Variants in PCBP3 observed in about 807,000 individuals in gnomAD.
PCBP3 encodes the protein poly(rC) binding protein 3.
In PCBP3, 25 loss-of-function variants were observed where a neutral mutation model predicts 52.7. The ratio of observed to expected loss-of-function variants is 0.47; its 90% CI spans 0.35 to 0.66. The LOEUF (loss-of-function observed/expected upper bound fraction) is 0.66. PCBP3 is among the 30% of genes least tolerant of loss of function. The probability of loss-of-function intolerance (pLI) is 0.01; values close to 1 mark genes in which losing one functional copy is unlikely to be tolerated. For missense variants in PCBP3, 391 were observed against 490.3 expected, an observed-to-expected ratio of 0.80 and a Z score of 1.91; for synonymous variants, 162 against 183.0, an observed-to-expected ratio of 0.89 and a Z score of 0.93.
At chr21:45,796,753 G>A (rs9980125) in intron 4 of PCBP3, among the ~76,000 whole-genome samples, 350 of 151,910 alleles carry the variant, frequency 2.3e-3, no homozygotes, top group African/African-American at 8.1e-3. Context: ...ATGTTTTTAT[G>A]GTGTGTTTAT....
In PCBP3 at chr21:45,697,628, C is replaced by T. The variant is rs574887345; in HGVS notation, c.-200+28676C>T. ...GGTGTAGGTGTGCACACCTGTGGTC[C>T]AAGCTACTCGGAAGGCTGAGATGGG... is the stretch of plus-strand genomic sequence containing the variant. On this transcript the variant is annotated intron_variant, in intron 2 of 17. Coordinates refer to ENST00000681687, the MANE Select transcript of PCBP3 (RefSeq NM_001384156.1). 7.2e-5 allele frequency among the ~76,000 whole-genome samples: 11 copies of T among 151,810 alleles called. No individual in the cohort carries two copies. The East Asian group carries it at 2.1e-3, about 29-fold the overall frequency.
chr21:45,821,706 C>G lies in PCBP3; in HGVS notation c.-125-28255C>G, dbSNP rs1181314141. Among the ~76,000 whole-genome samples, 1 of 152,176 alleles carries G rather than the reference C, an allele frequency of 6.6e-6. No individual in the cohort carries two copies. The highest frequency in any genetic ancestry group is 1.5e-5 in the Non-Finnish European group (1 of 68,038). ...TGTTGCAGCCTGTCTCTGCTCCCTT[C>G]CCTGCTCTTGTCACTTCTTGCTGGT... On this transcript the variant is annotated intron_variant, in intron 4 of 17. Coordinates refer to ENST00000681687, the MANE Select transcript of PCBP3 (RefSeq NM_001384156.1). This position sits in a 1 kb window ranked among gnomAD's most constrained non-coding sequence, Gnocchi z 4.4.
Position 45,750,181 on chromosome 21 carries a change from A to G in PCBP3, c.-161-5236A>G, listed in dbSNP as rs2087299169. ...GGATGTGAGGTTGCCGACTCAGTGCAGAGCTGTTTGGCTTCTCCCGACTTT... is the reference window on the plus strand; with the variant it reads ...GGATGTGAGGTTGCCGACTCAGTGCGGAGCTGTTTGGCTTCTCCCGACTTT... On this transcript the variant is annotated intron_variant, in intron 3 of 17. Coordinates refer to ENST00000681687, the MANE Select transcript of PCBP3 (RefSeq NM_001384156.1). 2.0e-5 allele frequency: 3 copies of G among 152,436 alleles called. 1 individual carries two copies. The South Asian group carries it at 6.2e-4, about 32-fold the overall frequency. The allele number at this position is 152,436 out of a possible 1,614,324, so 9.4% of individuals were successfully genotyped here. A position where few individuals can be genotyped will look rare whatever the true frequency, so the allele number is the denominator to read the frequency against.
At chr21:45,893,744 G>A in intron 5 of PCBP3, 2 of 985,410 alleles carry the variant, frequency 2.0e-6, no homozygotes, top group South Asian at 4.7e-5. Flanking sequence ...GACCTGGATG[G>A]ACCAGAGCTC....
chr21:45,882,345 C>T (rs956509669), intron 5 of PCBP3, among the ~76,000 whole-genome samples: 1 of 152,130 alleles, frequency 6.6e-6, no homozygotes, highest in Non-Finnish European at 1.5e-5. Flanking sequence ...GCTTCCATTC[C>T]GTTTCTTTGC....
intron 2 of PCBP3, among the ~76,000 whole-genome samples, chr21:45,733,680 A>C (rs1302607043): frequency 6.6e-6 from 1 of 152,020 alleles, no homozygotes; most frequent in Non-Finnish European, 1.5e-5. Context: ...GGCTCACTGA[A>C]GCCTCTACTT....
chr21:45,858,290 C>G (rs1384490232), intron 5 of PCBP3: 1 of 152,156 alleles, frequency 6.6e-6, no homozygotes, highest in Non-Finnish European at 1.5e-5. Flanking sequence ...GGTAGAGGAC[C>G]TGTCATCTAC....
At chr21:45,875,649 T>C (rs1425023805) in intron 5 of PCBP3, among the ~76,000 whole-genome samples, 1 of 152,194 alleles carries the variant, frequency 6.6e-6, no homozygotes, top group Non-Finnish European at 1.5e-5. Flanking sequence ...CGTCCCTCCC[T>C]GTCCAGGGCG....
At chr21:45,868,305 C>G (rs1029040214) in intron 5 of PCBP3, among the ~76,000 whole-genome samples, 1 of 152,210 alleles carries the variant, frequency 6.6e-6, no homozygotes, top group Non-Finnish European at 1.5e-5. Context: ...TTTCAGAGCC[C>G]CAGGGTCCTG....
intron 4 of PCBP3, among the ~76,000 whole-genome samples, chr21:45,776,678 G>T (rs1373503012): frequency 4.0e-5 from 6 of 151,896 alleles, no homozygotes; most frequent in Non-Finnish European, 7.4e-5. Flanking sequence ...TATAACTGTA[G>T]CTTCTGGTCA....
chr21:45,825,120 G>A (rs1476692832), intron 4 of PCBP3, among the ~76,000 whole-genome samples: 2 of 152,162 alleles, frequency 1.3e-5, no homozygotes, highest in African/African-American at 4.8e-5. Context: ...CTCTGAGCTT[G>A]TGCCACACAG....
At chr21:45,863,857 T>A (rs1260939089) in intron 5 of PCBP3, among the ~76,000 whole-genome samples, 1 of 152,108 alleles carries the variant, frequency 6.6e-6, no homozygotes, top group East Asian at 1.9e-4. Flanking sequence ...AGGCAGAGTT[T>A]GTGCTTGGTT....
At chr21:45,823,560 G>A in intron 4 of PCBP3, among the ~76,000 whole-genome samples, 1 of 152,052 alleles carries the variant, frequency 6.6e-6, no homozygotes, top group Admixed American at 6.5e-5. Context: ...ACAGTGTGTG[G>A]GCTTGGCATG....
At chr21:45,748,726 G>GCTGTTGT (rs1396865878) in intron 3 of PCBP3, among the ~76,000 whole-genome samples, 3 of 152,252 alleles carry the variant, frequency 2.0e-5, no homozygotes, top group African/African-American at 7.2e-5. Flanking sequence ...ACAGCGGTGA[G>GCTGTTGT]CTGTTGTCAT....
At chr21:45,887,743 C>T (rs1460089236) in intron 5 of PCBP3, among the ~76,000 whole-genome samples, 1 of 152,226 alleles carries the variant, frequency 6.6e-6, no homozygotes. Flanking sequence ...TTAAAGTTGG[C>T]AAGCATTTTA....
chr21:45,792,764 G>A (rs189983078), intron 4 of PCBP3, among the ~76,000 whole-genome samples: 10 of 152,328 alleles, frequency 6.6e-5, no homozygotes, highest in South Asian at 2.1e-4. Context: ...GACGCTCAGC[G>A]CAGATTAATG....
At chr21:45,760,833 C>G (rs2088569549) in intron 4 of PCBP3, 1 of 152,184 alleles carries the variant, frequency 6.6e-6, no homozygotes, top group African/African-American at 2.4e-5. Flanking sequence ...TGCCTGTAAT[C>G]CCAGCACTTT....
chr21:45,930,736 T>G lies in PCBP3; in HGVS notation c.797-50T>G, dbSNP rs1183251691. The G allele has an allele frequency of 3.4e-6, 3 of 878,692 alleles. No individual in the cohort carries two copies. The African/African-American group carries it at 4.9e-5, about 14-fold the overall frequency. 54.4% of individuals were successfully genotyped at this position (878,692 alleles called of 1,614,324 possible). Reference sequence around the variant, plus strand: ...GCTTCCCTAGTTGAAGGGACCCTGCTTATCTCCTTGAGGGCAAAACATTAA... The same window carrying G: ...GCTTCCCTAGTTGAAGGGACCCTGCGTATCTCCTTGAGGGCAAAACATTAA... On this transcript the variant is annotated intron_variant, in intron 14 of 17. Transcript: ENST00000681687.
intron 5 of PCBP3, chr21:45,869,059 G>T (rs368003533): frequency 1.3e-5 from 2 of 152,206 alleles, no homozygotes; most frequent in Non-Finnish European, 2.9e-5. Context: ...AAAGGTGTGC[G>T]TTCTGGCAAG....
Sources: gnomAD v4.1 joint callset for allele counts (sites outside exome capture counted in the v4.1 genomes callset) on GRCh38, gnomAD v4.1.1 for gene constraint, Gnocchi (gnomAD v3.1) non-coding constraint, MANE v1.5 for transcripts, NCBI Gene and HGNC (gene_info 2026-07-23, HGNC 2026-07-21) for gene names.